The following TINAG variants were observed in gnomAD, a reference collection of about 807,000 sequenced individuals.
The protein encoded by TINAG is tubulointerstitial nephritis antigen.
TINAG carries 83 observed loss-of-function variants against 72.7 expected under a neutral mutation model. The observed-to-expected ratio is 1.14, with a 90% CI of 0.96 to 1.37. TINAG has a LOEUF of 1.37. Among genes scored for constraint, TINAG ranks in the 40% most tolerant of loss-of-function variants. The pLI, the probability that TINAG is intolerant of heterozygous loss-of-function variation, is 0.00. For synonymous variants in TINAG, 234 were observed against 189.9 expected (o/e 1.23, Z -1.91); for missense variants, 685 against 576.6 (o/e 1.19, Z -1.93).
intron 10 of TINAG, among the ~76,000 whole-genome samples, chr6:54,385,554 C>A (rs1451450845): frequency 4.0e-5 from 6 of 151,892 alleles, no homozygotes; most frequent in Non-Finnish European, 7.4e-5. Flanking sequence ...GGTGAATTTT[C>A]CAAACATTTA....
At chr6:54,365,303 C>G (rs1022788735) in intron 9 of TINAG, 1 of 151,480 alleles carries the variant, frequency 6.6e-6, no homozygotes, top group African/African-American at 2.4e-5. Flanking sequence ...GTGGGGTGCA[C>G]TGGTTTGAAT....
At chr6:54,329,909 A>G (rs1784697352) in intron 4 of TINAG, among the ~76,000 whole-genome samples, 1 of 152,248 alleles carries the variant, frequency 6.6e-6, no homozygotes, top group Admixed American at 6.5e-5. Flanking sequence ...GATCAAGGCA[A>G]CAAGAAGAAC....
intron 5 of TINAG, among the ~76,000 whole-genome samples, chr6:54,345,671 G>GAA (rs1380971796): frequency 6.6e-6 from 1 of 152,038 alleles, no homozygotes; most frequent in Non-Finnish European, 1.5e-5. Context: ...GAGACTATCA[G>GAA]AAGTCGTGTA....
chr6:54,322,009 A>ATGTAGGCAC (rs1784501391), intron 3 of TINAG, among the ~76,000 whole-genome samples: 1 of 152,136 alleles, frequency 6.6e-6, no homozygotes, highest in African/African-American at 2.4e-5. Flanking sequence ...GGAAATTAAG[A>ATGTAGGCAC]TGTAGGCACT....
intron 4 of TINAG, among the ~76,000 whole-genome samples, chr6:54,338,656 G>A (rs12198941): frequency 3.5e-4 from 53 of 149,852 alleles, no homozygotes; most frequent in Admixed American, 1.1e-3. Flanking sequence ...ACTGGGAGGC[G>A]GAGGTTGCAG....
chr6:54,353,684 T>C (rs1369361221), intron 8 of TINAG, among the ~76,000 whole-genome samples: 1 of 151,796 alleles, frequency 6.6e-6, no homozygotes, highest in Non-Finnish European at 1.5e-5. Flanking sequence ...ATATTTAACT[T>C]TGGAGTATAA....
In TINAG at chr6:54,341,791, C is replaced by A. The variant is rs9367565; in HGVS notation, c.625-1435C>A. On this transcript the variant is annotated intron_variant, in intron 4 of 10. Transcript: ENST00000259782. Reference sequence around the variant, plus strand: ...CATTTTACTTCTGCGGCAAATTAGCCATATATTTCTGATAAAGCAGGGAAA... The same window carrying A: ...CATTTTACTTCTGCGGCAAATTAGCAATATATTTCTGATAAAGCAGGGAAA... 8.9e-3 allele frequency among the ~76,000 whole-genome samples: 1,354 copies of A among 152,062 alleles called. 30 individuals carry two copies. Among genetic ancestry groups the A allele is most frequent in the East Asian group, 0.053 (275 of 5,156 alleles).
intron 4 of TINAG, among the ~76,000 whole-genome samples, chr6:54,331,062 A>G: frequency 6.6e-6 from 1 of 152,202 alleles, no homozygotes; most frequent in East Asian, 1.9e-4. Flanking sequence ...TTCTGCAACT[A>G]TTCTAAACAA....
rs145105541 is a variant in TINAG at position 54,374,022 on chromosome 6, A to G, written c.1251-6504A>G. ...CTGTCAGCATAGTAAATACAGAAGG[A>G]CAGTTCTCTCAGTTCTACAGCAGGT... On this transcript the variant is annotated intron_variant, in intron 9 of 10. Coordinates refer to ENST00000259782, the MANE Select transcript of TINAG (RefSeq NM_014464.4). Among the ~76,000 whole-genome samples the G allele has an allele frequency of 2.0e-5, 3 of 152,242 alleles. No homozygotes were observed. In the East Asian group the frequency reaches 5.8e-4, roughly 29 times the overall value.
chr6:54,389,019 A>C (rs1333479047), intron 10 of TINAG, among the ~76,000 whole-genome samples: 1 of 152,092 alleles, frequency 6.6e-6, no homozygotes, highest in Non-Finnish European at 1.5e-5. Flanking sequence ...TTCCTGCTAG[A>C]ATCAACTCAA....
intron 1 of TINAG, among the ~76,000 whole-genome samples, chr6:54,318,196 G>A (rs1012989092): frequency 1.4e-4 from 21 of 152,098 alleles, no homozygotes; most frequent in African/African-American, 5.1e-4. Context: ...GGATGTTGGT[G>A]TCTCCCAAAT....
At chr6:54,327,562 T>A (rs1784637016) in intron 4 of TINAG, among the ~76,000 whole-genome samples, 1 of 152,062 alleles carries the variant, frequency 6.6e-6, no homozygotes. Context: ...CAGGAGTTTT[T>A]TTTTTCATAC....
chr6:54,316,108 G>T (rs1784367453), intron 1 of TINAG, among the ~76,000 whole-genome samples: 1 of 152,060 alleles, frequency 6.6e-6, no homozygotes, highest in Non-Finnish European at 1.5e-5. Flanking sequence ...TTTATTGGAG[G>T]CACATGTGAT....
chr6:54,345,116 G>A (rs931171026), intron 5 of TINAG, among the ~76,000 whole-genome samples: 2 of 152,054 alleles, frequency 1.3e-5, no homozygotes, highest in South Asian at 2.1e-4. Flanking sequence ...ATTTGAAGAC[G>A]GAATAAAATA....
chr6:54,327,259 T>C, intron 4 of TINAG: 3 of 1,383,270 alleles, frequency 2.2e-6, no homozygotes, highest in Non-Finnish European at 2.9e-6. Context: ...ACACGGTTCA[T>C]CTCATTGGGA....
At position 54,308,757 on chromosome 6, in the gene TINAG, C is replaced by T. The variant is rs1562141363; in HGVS notation, c.207C>T (p.Gly69=). The T allele has an allele frequency of 6.2e-7, 1 of 1,613,862 alleles. No homozygotes were observed. Among genetic ancestry groups the T allele is most frequent in the Admixed American group, 1.7e-5 (1 of 59,964 alleles). Residue 69 remains glycine, a synonymous_variant, in exon 1 of 11, where the codon GGC becomes GGT. Transcript: ENST00000259782. ...NFGCCEDRDD[G]CVTEFYAANA... ...GCTGTTGTGAAGACAGAGATGATGGCTGTGTCACTGAGTTCTATGCGGCGA... is the reference window on the plus strand; with the variant it reads ...GCTGTTGTGAAGACAGAGATGATGGTTGTGTCACTGAGTTCTATGCGGCGA...
At chr6:54,343,187 T>C in intron 4 of TINAG, 39 bp from the exon 5 acceptor site, 1 of 1,439,424 alleles carries the variant, frequency 6.9e-7, no homozygotes, top group East Asian at 2.5e-5. Flanking sequence ...GAGACATATT[T>C]GAGAAAATCT....
chr6:54,364,066 G>A (rs1763328124), intron 9 of TINAG, among the ~76,000 whole-genome samples: 1 of 151,534 alleles, frequency 6.6e-6, no homozygotes, highest in Non-Finnish European at 1.5e-5. Flanking sequence ...GTAGAAAAAA[G>A]ATGTGGTGGG....
chr6:54,321,232 T>A, intron 2 of TINAG, 65 bp from the exon 3 acceptor site: 1 of 1,209,074 alleles, frequency 8.3e-7, no homozygotes, highest in Non-Finnish European at 1.2e-6. Flanking sequence ...TGTATAACTC[T>A]TTTTACTAAT....
Sources: allele counts gnomAD v4.1 joint callset (sites outside exome capture counted in the v4.1 genomes callset), GRCh38; gene constraint gnomAD v4.1.1; transcripts MANE v1.5; gene names NCBI Gene and HGNC (gene_info 2026-07-23, HGNC 2026-07-21).